Variants in ADGRL2 observed in about 807,000 individuals in gnomAD.
The protein encoded by ADGRL2 is adhesion G protein-coupled receptor L2, also known as calcium-independent alpha-latrotoxin receptor 2.
Under a neutral mutation model 157.4 loss-of-function variants are expected in ADGRL2, and 44 were observed. That is an observed-to-expected ratio of 0.28 (90% CI 0.22 to 0.36). The LOEUF (loss-of-function observed/expected upper bound fraction) is 0.36. ADGRL2 is among the 10% of genes least tolerant of loss of function. The pLI, the probability that ADGRL2 is intolerant of heterozygous loss-of-function variation, is 1.00. For missense variants in ADGRL2, 1,510 were observed against 1,768.9 expected (o/e 0.85, Z 2.63); for synonymous variants, 585 against 624.7 (o/e 0.94, Z 0.95).
chr1:81,793,168 G>T (rs1159072057), intron 2 of ADGRL2, among the ~76,000 whole-genome samples: 3 of 151,802 alleles, frequency 2.0e-5, no homozygotes, highest in Non-Finnish European at 2.9e-5. Flanking sequence ...AAATTCAATT[G>T]GTTTATTTTA....
intron 3 of ADGRL2, among the ~76,000 whole-genome samples, chr1:81,604,787 T>G (rs1277531435): frequency 6.6e-6 from 1 of 152,172 alleles, no homozygotes; most frequent in South Asian, 2.1e-4. Context: ...CTGAGCCATG[T>G]GTGTTTGGCA....
At chr1:81,728,717 C>A (rs1260225300) in intron 1 of ADGRL2, among the ~76,000 whole-genome samples, 2 of 152,184 alleles carry the variant, frequency 1.3e-5, no homozygotes, top group Admixed American at 1.3e-4. Context: ...TATTCTCTTG[C>A]TCTTGCCCCC....
intron 2 of ADGRL2, among the ~76,000 whole-genome samples, chr1:81,509,872 A>T (rs1476946623): frequency 2.0e-5 from 3 of 152,180 alleles, no homozygotes; most frequent in Admixed American, 1.3e-4. Context: ...ATTTAGTGAA[A>T]TACATGCTCA....
At chr1:81,835,326 G>A (rs919219470) in intron 1 of ADGRL2, among the ~76,000 whole-genome samples, 3 of 152,002 alleles carry the variant, frequency 2.0e-5, no homozygotes, top group East Asian at 1.9e-4. Flanking sequence ...TCAGATCATC[G>A]AACAGACTGT....
At chr1:81,624,427 A>G (rs781739711) in intron 3 of ADGRL2, among the ~76,000 whole-genome samples, 1 of 151,946 alleles carries the variant, frequency 6.6e-6, no homozygotes, top group Non-Finnish European at 1.5e-5. Context: ...CTAAAAATAC[A>G]AAAATTAGCC....
At chr1:81,402,586 A>G (rs1326384344) in intron 1 of ADGRL2, among the ~76,000 whole-genome samples, 1 of 152,224 alleles carries the variant, frequency 6.6e-6, no homozygotes, top group Non-Finnish European at 1.5e-5. Flanking sequence ...CTACTGTGAA[A>G]AACAAAACAA....
chr1:81,358,585 C>T (rs956974466), intron 1 of ADGRL2, among the ~76,000 whole-genome samples: 1 of 152,076 alleles, frequency 6.6e-6, no homozygotes, highest in Admixed American at 6.5e-5. Context: ...TTCTAGTGTA[C>T]ATTTCATTTA....
intron 1 of ADGRL2, among the ~76,000 whole-genome samples, chr1:81,395,898 T>C (rs2076647101): frequency 6.6e-6 from 1 of 152,256 alleles, no homozygotes; most frequent in African/African-American, 2.4e-5. Context: ...TCTATTCGTC[T>C]GTGTGTCTGT....
intron 1 of ADGRL2, chr1:81,427,029 A>G: frequency 9.1e-7 from 1 of 1,098,964 alleles, no homozygotes; most frequent in Non-Finnish European, 1.4e-6. Flanking sequence ...AGTTGATAAC[A>G]TTGTTATTCA....
chr1:81,314,298 T>C (rs1659959018), intron 1 of ADGRL2, among the ~76,000 whole-genome samples: 1 of 152,208 alleles, frequency 6.6e-6, no homozygotes, highest in Non-Finnish European at 1.5e-5. Flanking sequence ...GTGATGTACT[T>C]ATATTTCGGT....
At chr1:81,776,684 C>T (rs909238977) in intron 2 of ADGRL2, among the ~76,000 whole-genome samples, 1 of 152,174 alleles carries the variant, frequency 6.6e-6, no homozygotes, top group Non-Finnish European at 1.5e-5. Flanking sequence ...CACATGTAAA[C>T]ATGCACATAC....
chr1:81,764,760 G>A lies in ADGRL2; in HGVS notation c.-101+2908G>A, dbSNP rs560876213. Among the ~76,000 whole-genome samples, 40 of 152,040 alleles carry A rather than the reference G, an allele frequency of 2.6e-4. No individual in the cohort carries two copies. In the South Asian group the frequency reaches 5.0e-3, roughly 19 times the overall value. The stretch of plus-strand genomic sequence containing the variant: ...AATTCCTGAGTGGTTAAAGTAGAGG[G>A]TTATACTATAAGATTTTTAAAATAA... On this transcript the variant is annotated intron_variant, in intron 2 of 20. Transcript: ENST00000359929.
intron 1 of ADGRL2, among the ~76,000 whole-genome samples, chr1:81,754,070 A>C (rs2085580304): frequency 6.6e-6 from 1 of 152,120 alleles, no homozygotes; most frequent in African/African-American, 2.4e-5. Flanking sequence ...GCCAGCCAGC[A>C]GGTACTTCCT....
At chr1:81,377,262 GA>G (rs1398187921) in intron 1 of ADGRL2, among the ~76,000 whole-genome samples, 3 of 151,992 alleles carry the variant, frequency 2.0e-5, no homozygotes, top group Non-Finnish European at 2.9e-5. Context: ...GCAAGTATAT[GA>G]AATAAAGATA....
chr1:81,524,625 G>GA (rs938709686), intron 2 of ADGRL2, among the ~76,000 whole-genome samples: 2 of 151,338 alleles, frequency 1.3e-5, no homozygotes, highest in Non-Finnish European at 3.0e-5. Flanking sequence ...AAATATGAAA[G>GA]AAAAAAAACT....
intron 3 of ADGRL2, among the ~76,000 whole-genome samples, chr1:81,607,566 T>A (rs781501123): frequency 1.8e-4 from 28 of 152,184 alleles, no homozygotes; most frequent in Non-Finnish European, 3.8e-4. Flanking sequence ...AAGTTCCAAG[T>A]TGAAAGGACA....
intron 1 of ADGRL2, among the ~76,000 whole-genome samples, chr1:81,324,500 C>A (rs1399774229): frequency 6.7e-6 from 1 of 148,342 alleles, no homozygotes; most frequent in Non-Finnish European, 1.5e-5. Flanking sequence ...CAGAATGAGA[C>A]CCTGTCTCAA....
At chr1:81,521,189 G>A (rs989081696) in intron 2 of ADGRL2, among the ~76,000 whole-genome samples, 1 of 152,148 alleles carries the variant, frequency 6.6e-6, no homozygotes, top group Non-Finnish European at 1.5e-5. Flanking sequence ...GGCAGCTGAT[G>A]AATCCATATC....
At chr1:81,401,024 T>C (rs181319263) in intron 1 of ADGRL2, among the ~76,000 whole-genome samples, 45 of 152,306 alleles carry the variant, frequency 3.0e-4, no homozygotes, top group Non-Finnish European at 5.7e-4. Flanking sequence ...GTCGCTGTTC[T>C]GAACAGCTCA....
Sources: allele counts gnomAD v4.1 joint callset (sites outside exome capture counted in the v4.1 genomes callset), GRCh38; gene constraint gnomAD v4.1.1; transcripts MANE v1.5; gene names NCBI Gene and HGNC (gene_info 2026-07-23, HGNC 2026-07-21).